Variants in LIN28B observed in about 807,000 individuals in gnomAD.
LIN28B encodes protein lin-28 homolog B.
In LIN28B, 5 loss-of-function variants were observed where a neutral mutation model predicts 21.9. That is an observed-to-expected ratio of 0.23 (90% CI 0.12 to 0.48). LIN28B has a LOEUF of 0.48. Ranked by LOEUF, LIN28B falls within the 20% of genes least tolerant of loss-of-function variation. The probability of loss-of-function intolerance (pLI) is 0.98; values close to 1 mark genes in which losing one functional copy is unlikely to be tolerated. For missense variants in LIN28B, 245 were observed against 310.5 expected, an observed-to-expected ratio of 0.79 and a Z score of 1.58; for synonymous variants, 109 against 111.3, an observed-to-expected ratio of 0.98 and a Z score of 0.13.
At position 105,082,689 on chromosome 6, in the gene LIN28B, G is replaced by A. The variant is rs1772562661; in HGVS notation, c.*3906G>A. On this transcript the variant is annotated 3_prime_UTR_variant, in exon 4 of 4. Transcript: ENST00000345080. ...ACAGCCTCTTTAAGATGTGGTGGTT[G>A]TATGATCTGTGTCTTAATTGTTCAG... is the stretch of plus-strand genomic sequence containing the variant. 6.6e-6 allele frequency: 1 copy of A among 152,616 alleles called. No individual in the cohort carries two copies. Among genetic ancestry groups the A allele is most frequent in the African/African-American group, 2.4e-5 (1 of 41,446 alleles). The allele number at this position is 152,616 out of a possible 1,614,324, so 9.5% of individuals were successfully genotyped here.
chr6:105,005,322 T>A (rs1582890921), intron 2 of LIN28B, among the ~76,000 whole-genome samples: 1 of 152,314 alleles, frequency 6.6e-6, no homozygotes, highest in Middle Eastern at 3.4e-3. Flanking sequence ...CAGGGTTTTT[T>A]ATTAATTTTT....
rs529933680 is a variant in LIN28B, at chr6:105,020,948, G to A, written c.199-5350G>A. 3.3e-5 allele frequency among the ~76,000 whole-genome samples: 5 copies of A among 150,874 alleles called. No homozygotes were observed. The South Asian group carries it at 1.0e-3, about 32-fold the overall frequency. Reference sequence around the variant, plus strand: ...TTTTTTGTATTTTTAGTAGAAATGGGGTTTCACCGTGTTAGCCAGGATGGT... The same window carrying A: ...TTTTTTGTATTTTTAGTAGAAATGGAGTTTCACCGTGTTAGCCAGGATGGT... On this transcript the variant is annotated intron_variant, in intron 2 of 3. Transcript: ENST00000345080.
intron 3 of LIN28B, among the ~76,000 whole-genome samples, chr6:105,070,728 T>G (rs1371977791): frequency 6.6e-6 from 1 of 151,588 alleles, no homozygotes; most frequent in Non-Finnish European, 1.5e-5. Flanking sequence ...CAGTGAGCCC[T>G]TATCACGCCA....
In LIN28B at chr6:105,007,711, G is replaced by A. The variant is rs77508408; in HGVS notation, c.199-18587G>A. Reference sequence around the variant, plus strand: ...GGCAAATTTTTGTTTGTTTGTTTTTGTAGAGATGGGGTCTCACTGTGTTGC... The same window carrying A: ...GGCAAATTTTTGTTTGTTTGTTTTTATAGAGATGGGGTCTCACTGTGTTGC... On this transcript the variant is annotated intron_variant, in intron 2 of 3. Coordinates refer to ENST00000345080, the MANE Select transcript of LIN28B (RefSeq NM_001004317.4). Among the ~76,000 whole-genome samples the A allele has an allele frequency of 7.2e-3, 1,092 of 152,046 alleles. 10 individuals carry two copies. The highest frequency in any genetic ancestry group is 0.012 in the Non-Finnish European group (841 of 67,958).
intron 3 of LIN28B, among the ~76,000 whole-genome samples, chr6:105,062,784 G>C (rs545653026): frequency 3.9e-5 from 6 of 151,914 alleles, no homozygotes; most frequent in South Asian, 2.1e-4. Context: ...TTCAGGGCTC[G>C]TAATTTTGTT....
intron 3 of LIN28B, among the ~76,000 whole-genome samples, chr6:105,056,644 G>A (rs1202638809): frequency 6.6e-6 from 1 of 152,102 alleles, no homozygotes; most frequent in Admixed American, 6.6e-5. Context: ...GCTGTGTTTT[G>A]AAGGGTCTCA....
Position 105,026,431 on chromosome 6 carries a change from A to T in LIN28B, c.332A>T (p.Glu111Val). The T allele has an allele frequency of 6.2e-7, 1 of 1,610,048 alleles. No individual in the cohort carries two copies. The highest frequency in any genetic ancestry group is 8.5e-7 in the Non-Finnish European group (1 of 1,178,458). ...GPGGSPCLGS[E>V]RRPKGKTLQK... is the part of the protein sequence containing the mutation. Reference sequence around the variant, plus strand: ...GGTGGGAGCCCCTGTTTAGGAAGTGAAAGAAGACCCAAAGGGAAGACACTA... The same window carrying T: ...GGTGGGAGCCCCTGTTTAGGAAGTGTAAGAAGACCCAAAGGGAAGACACTA... Residue 111 changes from glutamate to valine, a missense_variant, in exon 3 of 4, where the codon GAA becomes GTA. Coordinates refer to ENST00000345080, the MANE Select transcript of LIN28B (RefSeq NM_001004317.4).
intron 3 of LIN28B, among the ~76,000 whole-genome samples, chr6:105,035,737 C>T (rs1187236579): frequency 6.6e-6 from 1 of 152,086 alleles, no homozygotes; most frequent in Non-Finnish European, 1.5e-5. Flanking sequence ...ATAGCTTACC[C>T]TCAAAATATC....
intron 3 of LIN28B, among the ~76,000 whole-genome samples, chr6:105,038,354 C>A (rs1438317164): frequency 6.6e-6 from 1 of 152,140 alleles, no homozygotes; most frequent in East Asian, 1.9e-4. Flanking sequence ...GAAAAGGGAA[C>A]TGGAAGAGGG....
intron 2 of LIN28B, among the ~76,000 whole-genome samples, chr6:104,972,032 G>A (rs535208459): frequency 2.4e-4 from 37 of 152,092 alleles, no homozygotes; most frequent in African/African-American, 7.7e-4. Flanking sequence ...GTGCAGTGGC[G>A]CAGTCTCGGC....
Position 104,974,065 on chromosome 6 carries a change from A to G in LIN28B, c.198+15779A>G, listed in dbSNP as rs142228154. On this transcript the variant is annotated intron_variant, in intron 2 of 3. Coordinates refer to ENST00000345080, the MANE Select transcript of LIN28B (RefSeq NM_001004317.4). Reference sequence around the variant, plus strand: ...TTTTACCTAGAAGAAGGCTTTTAAAACCACAGACTGACTCATAAAATAGGC... The same window carrying G: ...TTTTACCTAGAAGAAGGCTTTTAAAGCCACAGACTGACTCATAAAATAGGC... Among the ~76,000 whole-genome samples the G allele has an allele frequency of 7.2e-4, 109 of 152,342 alleles. 2 individuals carry two copies. In the East Asian group the frequency reaches 0.019, roughly 26 times the overall value.
intron 3 of LIN28B, among the ~76,000 whole-genome samples, chr6:105,072,108 G>A (rs1582933184): frequency 6.6e-6 from 1 of 151,808 alleles, no homozygotes; most frequent in Non-Finnish European, 1.5e-5. Flanking sequence ...GTGTGTGTGT[G>A]TATTAGTGTT....
intron 2 of LIN28B, among the ~76,000 whole-genome samples, chr6:104,983,252 T>C (rs1460067317): frequency 6.6e-6 from 1 of 152,232 alleles, no homozygotes; most frequent in African/African-American, 2.4e-5. Context: ...CAACCATGCA[T>C]CTGGGTATCT....
At chr6:105,034,639 A>AT in intron 3 of LIN28B, among the ~76,000 whole-genome samples, 2 of 152,164 alleles carry the variant, frequency 1.3e-5, no homozygotes, top group South Asian at 4.1e-4. Context: ...ATCATGGTGT[A>AT]TTTATCATTT....
intron 3 of LIN28B, among the ~76,000 whole-genome samples, chr6:105,056,648 G>A (rs1019005067): frequency 6.6e-6 from 1 of 152,080 alleles, no homozygotes; most frequent in Non-Finnish European, 1.5e-5. Flanking sequence ...TGTTTTGAAG[G>A]GTCTCAACCT....
intron 3 of LIN28B, among the ~76,000 whole-genome samples, chr6:105,041,454 G>A (rs1290613580): frequency 6.6e-6 from 1 of 151,888 alleles, no homozygotes; most frequent in Non-Finnish European, 1.5e-5. Flanking sequence ...AGGTACTATG[G>A]ATTTCAGACC....
intron 3 of LIN28B, among the ~76,000 whole-genome samples, chr6:105,065,350 A>G (rs1289807474): frequency 6.6e-6 from 1 of 152,248 alleles, no homozygotes; most frequent in Non-Finnish European, 1.5e-5. Context: ...TAAGACCTAC[A>G]CAAGAGAAGA....
At chr6:104,957,337 T>G in intron 1 of LIN28B, 77 bp downstream of exon 1, 1 of 790,278 alleles carries the variant, frequency 1.3e-6, no homozygotes, top group Non-Finnish European at 1.8e-6. Flanking sequence ...CCCACCCTTC[T>G]TAGACCGTCC....
chr6:105,066,796 A>G (rs1453312228), intron 3 of LIN28B, among the ~76,000 whole-genome samples: 1 of 152,064 alleles, frequency 6.6e-6, no homozygotes, highest in African/African-American at 2.4e-5. Flanking sequence ...AAATGTCCTA[A>G]TAGTAAGACA....
Sources: gnomAD v4.1 joint callset for allele counts (sites outside exome capture counted in the v4.1 genomes callset) on GRCh38, gnomAD v4.1.1 for gene constraint, MANE v1.5 for transcripts, NCBI Gene and HGNC (gene_info 2026-07-23, HGNC 2026-07-21) for gene names.